Variants in FRMD4A observed in about 807,000 individuals in gnomAD.
FRMD4A encodes the protein FERM domain containing 4A, also known as FERM domain-containing protein 4A.
A neutral mutation model predicts 129.1 loss-of-function variants in FRMD4A; 29 were observed. The ratio of observed to expected loss-of-function variants is 0.22; its 90% CI spans 0.17 to 0.31. The LOEUF (loss-of-function observed/expected upper bound fraction) is 0.31, where lower values mean the gene tolerates loss of function less well. Among genes scored for constraint, FRMD4A ranks in the 10% least tolerant of loss-of-function variants. FRMD4A has a pLI of 1.00. For missense variants in FRMD4A, 1,272 were observed against 1,375.8 expected, an observed-to-expected ratio of 0.92 and a Z score of 1.19; for synonymous variants, 634 against 571.6, an observed-to-expected ratio of 1.11 and a Z score of -1.56.
chr10:13,703,860 C>G (rs1049493155), intron 13 of FRMD4A, among the ~76,000 whole-genome samples: 12 of 152,112 alleles, frequency 7.9e-5, no homozygotes, highest in African/African-American at 2.7e-4. Context: ...AAAAAATTAG[C>G]TGGGTGTAGT....
chr10:13,856,632 G>T (rs1453870095), intron 3 of FRMD4A, among the ~76,000 whole-genome samples: 4 of 152,138 alleles, frequency 2.6e-5, no homozygotes, highest in Admixed American at 2.6e-4. Context: ...GCGCGGGGGT[G>T]TGGGAAGGAG....
intron 2 of FRMD4A, among the ~76,000 whole-genome samples, chr10:13,910,418 T>C (rs1022319964): frequency 6.6e-6 from 1 of 152,174 alleles, no homozygotes; most frequent in African/African-American, 2.4e-5. Context: ...TGACCACAGA[T>C]GCATGAGGGA....
At chr10:13,980,203 G>T (rs1195340779) in intron 2 of FRMD4A, among the ~76,000 whole-genome samples, 1 of 152,156 alleles carries the variant, frequency 6.6e-6, no homozygotes, top group Non-Finnish European at 1.5e-5. Context: ...AGGTGTAAAT[G>T]GTATCTGGCC....
intron 2 of FRMD4A, among the ~76,000 whole-genome samples, chr10:14,108,192 T>A (rs77390919): frequency 6.6e-6 from 1 of 152,230 alleles, no homozygotes; most frequent in African/African-American, 2.4e-5. Flanking sequence ...TTTCTCTTAC[T>A]ATTAGCGAGA....
chr10:13,902,279 G>A (rs892272576), intron 2 of FRMD4A, among the ~76,000 whole-genome samples: 1 of 152,108 alleles, frequency 6.6e-6, no homozygotes, highest in African/African-American at 2.4e-5. Context: ...GCCTCCCAAA[G>A]TGTTGGGATT....
chr10:13,797,845 G>A (rs74320338), intron 4 of FRMD4A, among the ~76,000 whole-genome samples: 5,513 of 151,714 alleles, frequency 0.036, 130 homozygotes, highest in Non-Finnish European at 0.052. Flanking sequence ...CTCCAACAAA[G>A]GAAAGAGAGA....
intron 2 of FRMD4A, chr10:13,891,836 G>A: frequency 1.4e-6 from 1 of 730,282 alleles, no homozygotes; most frequent in Non-Finnish European, 1.7e-6. Flanking sequence ...CTCTCGCGCC[G>A]AGCCTGGCCC....
chr10:14,104,985 A>C (rs1034198307), intron 2 of FRMD4A, among the ~76,000 whole-genome samples: 1 of 152,176 alleles, frequency 6.6e-6, no homozygotes, highest in Middle Eastern at 3.2e-3. Flanking sequence ...GCTCTCCTCC[A>C]CTGTGGCAGG....
At chr10:14,122,823 G>T (rs186842524) in intron 2 of FRMD4A, among the ~76,000 whole-genome samples, 1 of 152,042 alleles carries the variant, frequency 6.6e-6, no homozygotes, top group Non-Finnish European at 1.5e-5. Context: ...GGTTTATAGC[G>T]ATGTTTCAAT....
chr10:14,165,461 T>C (rs1189639908), intron 2 of FRMD4A, among the ~76,000 whole-genome samples: 1 of 152,210 alleles, frequency 6.6e-6, no homozygotes, highest in African/African-American at 2.4e-5. Context: ...TGGAGATTTC[T>C]CAAAGAACTA....
intron 2 of FRMD4A, among the ~76,000 whole-genome samples, chr10:14,036,774 T>C (rs2447034): frequency 0.23 from 35,229 of 151,978 alleles, 4,442 homozygotes; most frequent in African/African-American, 0.31. Context: ...TTAGTAGAGA[T>C]GGGGTTTCGC....
intron 2 of FRMD4A, among the ~76,000 whole-genome samples, chr10:14,247,410 C>T (rs957403809): frequency 3.3e-5 from 5 of 152,226 alleles, no homozygotes; most frequent in Admixed American, 6.5e-5. Context: ...CAGCTCATAG[C>T]ACCTGTCAAA....
Position 13,828,438 on chromosome 10 carries a change from C to T in FRMD4A, c.112-17530G>A, listed in dbSNP as rs138421163. ...CTATTTCACTTAATGACTTCCAGTT[C>T]CATCCACGTTGCTGCAAAAAACATG... On this transcript the variant is annotated intron_variant, in intron 3 of 24. Transcript: ENST00000357447. 2.0e-4 allele frequency among the ~76,000 whole-genome samples: 30 copies of T among 152,294 alleles called. No individual in the cohort carries two copies. In the East Asian group the frequency reaches 4.8e-3, roughly 24 times the overall value.
intron 2 of FRMD4A, among the ~76,000 whole-genome samples, chr10:14,314,696 C>A (rs1337588200): frequency 6.6e-6 from 1 of 152,142 alleles, no homozygotes; most frequent in African/African-American, 2.4e-5. Flanking sequence ...TCTCTCTGAG[C>A]TTCCTTCCTT....
At chr10:14,048,493 G>A (rs1371376821) in intron 2 of FRMD4A, among the ~76,000 whole-genome samples, 2 of 152,130 alleles carry the variant, frequency 1.3e-5, no homozygotes, top group Non-Finnish European at 2.9e-5. Flanking sequence ...ACTAAGACAT[G>A]CCTTAAGTTT....
chr10:13,781,930 G>A (rs915234667), intron 6 of FRMD4A, among the ~76,000 whole-genome samples: 1 of 152,066 alleles, frequency 6.6e-6, no homozygotes, highest in African/African-American at 2.4e-5. Flanking sequence ...TGAGTGTACT[G>A]AATGCCGCTG....
chr10:13,679,351 C>T lies in FRMD4A; in HGVS notation c.1118-4307G>A, dbSNP rs570389152. Among the ~76,000 whole-genome samples, 270 of 135,810 alleles carry T rather than the reference C, an allele frequency of 2.0e-3. 1 individual carries two copies. The highest frequency in any genetic ancestry group is 6.9e-3 in the African/African-American group (250 of 36,156). The allele number at this position is 135,810 out of a possible 152,430, so 89.1% of individuals were successfully genotyped here. On this transcript the variant is annotated intron_variant, in intron 15 of 24. Transcript: ENST00000357447. ...GCTGAGGCAGGGAATTGCTTGAACC[C>T]GGGAGGCGGAGGTTGCAATGAGCCG...
chr10:13,697,588 T>G (rs1421224648), intron 14 of FRMD4A, among the ~76,000 whole-genome samples: 1 of 152,148 alleles, frequency 6.6e-6, no homozygotes, highest in Non-Finnish European at 1.5e-5. Context: ...GTCCCCAGAC[T>G]CTGGAACATT....
chr10:14,174,024 C>T lies in FRMD4A; in HGVS notation c.45+156034G>A, dbSNP rs543146763. Among the ~76,000 whole-genome samples, 37 of 152,178 alleles carry T rather than the reference C, an allele frequency of 2.4e-4. 1 individual carries two copies. The highest frequency in any genetic ancestry group is 2.1e-3 in the Admixed American group (32 of 15,298). On this transcript the variant is annotated intron_variant, in intron 2 of 24. Transcript: ENST00000357447. ...CCACTCCCCTTACCTTCGTCCTCAT[C>T]GGAGACAGGAGCCCTTCCATGGTGG...
Sources: allele counts gnomAD v4.1 joint callset (sites outside exome capture counted in the v4.1 genomes callset), GRCh38; gene constraint gnomAD v4.1.1; transcripts MANE v1.5; gene names NCBI Gene and HGNC (gene_info 2026-07-23, HGNC 2026-07-21).